The following HPSE2 variants were observed in gnomAD, a reference collection of about 807,000 sequenced individuals.
HPSE2 encodes heparanase 2 (inactive).
In HPSE2, 38 loss-of-function variants were observed where a neutral mutation model predicts 60.5. The observed-to-expected ratio is 0.63, with a 90% CI of 0.48 to 0.82. The LOEUF (loss-of-function observed/expected upper bound fraction) is 0.82, where lower values mean the gene tolerates loss of function less well. HPSE2 is among the 40% of genes least tolerant of loss of function. HPSE2 has a pLI of 0.00. For synonymous variants in HPSE2, 295 were observed against 293.2 expected (o/e 1.01, Z -0.06); for missense variants, 713 against 740.4 (o/e 0.96, Z 0.43).
At chr10:98,862,506 T>C (rs1952482068) in intron 3 of HPSE2, among the ~76,000 whole-genome samples, 1 of 152,200 alleles carries the variant, frequency 6.6e-6, no homozygotes, top group South Asian at 2.1e-4. Flanking sequence ...ATGTGGATGA[T>C]GAACTCAAAA....
At chr10:98,852,245 C>A (rs1444756150) in intron 3 of HPSE2, among the ~76,000 whole-genome samples, 1 of 151,298 alleles carries the variant, frequency 6.6e-6, no homozygotes, top group Non-Finnish European at 1.5e-5. Context: ...CACTTTAGGT[C>A]TCAGAAAACA....
intron 2 of HPSE2, among the ~76,000 whole-genome samples, chr10:99,220,141 A>C (rs1363050840): frequency 1.3e-5 from 2 of 152,190 alleles, no homozygotes; most frequent in African/African-American, 4.8e-5. Context: ...TTTTTGTGAC[A>C]CTTACCCAAA....
chr10:98,820,011 A>G (rs1365950509), intron 3 of HPSE2, among the ~76,000 whole-genome samples: 1 of 152,172 alleles, frequency 6.6e-6, no homozygotes, highest in East Asian at 1.9e-4. Flanking sequence ...CACAGAATGT[A>G]AATTTTATAG....
intron 3 of HPSE2, among the ~76,000 whole-genome samples, chr10:98,862,780 A>G (rs1952489700): frequency 6.6e-6 from 1 of 152,060 alleles, no homozygotes; most frequent in African/African-American, 2.4e-5. Context: ...TTCTTTTTGT[A>G]AAGATAGGGT....
At position 99,105,323 on chromosome 10, in the gene HPSE2, C is replaced by G. The variant is rs139025644; in HGVS notation, c.610+38915G>C. On this transcript the variant is annotated intron_variant, in intron 3 of 11. Coordinates refer to ENST00000370552, the MANE Select transcript of HPSE2 (RefSeq NM_021828.5). Reference sequence around the variant, plus strand: ...ATATTGTGCTTTTAATTTCAACTTTCCTGTTGGTTAATGATGTTAAGCATC... The same window carrying G: ...ATATTGTGCTTTTAATTTCAACTTTGCTGTTGGTTAATGATGTTAAGCATC... Among the ~76,000 whole-genome samples the G allele has an allele frequency of 9.2e-3, 1,397 of 152,188 alleles. 17 individuals are homozygous for G. The highest frequency in any genetic ancestry group is 0.031 in the African/African-American group (1,302 of 41,542).
intron 9 of HPSE2, among the ~76,000 whole-genome samples, chr10:98,507,238 G>A (rs940251630): frequency 6.6e-6 from 1 of 152,144 alleles, no homozygotes; most frequent in Admixed American, 6.6e-5. Flanking sequence ...TTTTGGGGTG[G>A]AGTGGTGGAT....
At chr10:98,685,630 A>C (rs1947895145) in intron 6 of HPSE2, among the ~76,000 whole-genome samples, 1 of 152,130 alleles carries the variant, frequency 6.6e-6, no homozygotes, top group African/African-American at 2.4e-5. Flanking sequence ...CTATACAATG[A>C]TTTGTTTATC....
intron 8 of HPSE2, among the ~76,000 whole-genome samples, chr10:98,618,820 G>C (rs750765813): frequency 3.9e-5 from 6 of 152,080 alleles, no homozygotes; most frequent in Non-Finnish European, 8.8e-5. Context: ...CAAGTGATCT[G>C]TCCACTTTGG....
chr10:99,045,103 A>G (rs957047807), intron 3 of HPSE2, among the ~76,000 whole-genome samples: 1 of 152,222 alleles, frequency 6.6e-6, no homozygotes, highest in African/African-American at 2.4e-5. Context: ...AAGATGAACC[A>G]CATGCACAGT....
rs576906248 is a variant in HPSE2, at chr10:98,937,313, G to A, written c.611-193257C>T. Among the ~76,000 whole-genome samples the A allele has an allele frequency of 9.0e-5, 13 of 144,470 alleles. 2 individuals carry two copies. The highest frequency in any genetic ancestry group is 2.1e-4 in the South Asian group (1 of 4,764). The allele number at this position is 144,470 out of a possible 152,430, so 94.8% of individuals were successfully genotyped here. Reference sequence around the variant, plus strand: ...CCTCACTCAGGAAGTGCAAGGAGTCGGGGAGTTCCCTTTCCTAGTCAAAGA... The same window carrying A: ...CCTCACTCAGGAAGTGCAAGGAGTCAGGGAGTTCCCTTTCCTAGTCAAAGA... On this transcript the variant is annotated intron_variant, in intron 3 of 11. Coordinates refer to ENST00000370552, the MANE Select transcript of HPSE2 (RefSeq NM_021828.5).
intron 3 of HPSE2, among the ~76,000 whole-genome samples, chr10:98,872,381 G>A (rs1159380235): frequency 6.6e-6 from 1 of 151,988 alleles, no homozygotes; most frequent in Admixed American, 6.6e-5. Flanking sequence ...ATTAGCGTGA[G>A]GCAGAGGTTC....
intron 3 of HPSE2, among the ~76,000 whole-genome samples, chr10:98,833,036 A>G (rs1951718112): frequency 6.6e-6 from 1 of 152,214 alleles, no homozygotes; most frequent in Admixed American, 6.5e-5. Context: ...CCACTGCATA[A>G]AATCTTGTTC....
At chr10:99,276,190 A>T in the HPSE2 span, among the ~76,000 whole-genome samples, 1 of 152,248 alleles carries the variant, frequency 6.6e-6, no homozygotes, top group African/African-American at 2.4e-5. Flanking sequence ...ATTCGTTGGA[A>T]CAACAATCAT....
At chr10:98,678,560 A>G (rs1947705730) in intron 6 of HPSE2, among the ~76,000 whole-genome samples, 1 of 152,108 alleles carries the variant, frequency 6.6e-6, no homozygotes, top group African/African-American at 2.4e-5. Flanking sequence ...GTGCTGAGTC[A>G]GGTGGCTCCA....
At chr10:99,030,383 A>T (rs2135449454) in intron 3 of HPSE2, among the ~76,000 whole-genome samples, 1 of 152,368 alleles carries the variant, frequency 6.6e-6, no homozygotes, top group Non-Finnish European at 1.5e-5. Flanking sequence ...GCATACAGGC[A>T]TATGAAAAAG....
At chr10:99,271,180 A>G in the HPSE2 span, among the ~76,000 whole-genome samples, 1 of 152,192 alleles carries the variant, frequency 6.6e-6, no homozygotes, top group East Asian at 1.9e-4. Flanking sequence ...CAAATCAGTA[A>G]ACAGGACATC....
chr10:98,830,620 G>C (rs1187902769), intron 3 of HPSE2, among the ~76,000 whole-genome samples: 1 of 152,140 alleles, frequency 6.6e-6, no homozygotes, highest in Non-Finnish European at 1.5e-5. Flanking sequence ...GTAGACATAA[G>C]CAAGGCTTAC....
At chr10:98,776,278 C>CAAAAAAAAAAAAA (rs35176062) in intron 3 of HPSE2, among the ~76,000 whole-genome samples, 10 of 137,074 alleles carry the variant, frequency 7.3e-5, no homozygotes, top group East Asian at 2.1e-4. Flanking sequence ...ACTAAAAATA[C>CAAAAAAAAAAAAA]AAAAAAAAAA....
At chr10:98,851,423 C>T (rs761200343) in intron 3 of HPSE2, among the ~76,000 whole-genome samples, 3 of 152,192 alleles carry the variant, frequency 2.0e-5, no homozygotes, top group Non-Finnish European at 2.9e-5. Flanking sequence ...TTGTTCAGCA[C>T]AAACCAGAAA....
Sources: gnomAD v4.1 joint callset for allele counts (sites outside exome capture counted in the v4.1 genomes callset) on GRCh38, gnomAD v4.1.1 for gene constraint, MANE v1.5 for transcripts, NCBI Gene and HGNC (gene_info 2026-07-23, HGNC 2026-07-21) for gene names.